Variants in ABAT observed in about 807,000 individuals in gnomAD.
ABAT encodes the protein 4-aminobutyrate aminotransferase, mitochondrial.
Under a neutral mutation model 64.6 loss-of-function variants are expected in ABAT, and 45 were observed. That is an observed-to-expected ratio of 0.70 (90% confidence interval 0.55 to 0.89). ABAT has a LOEUF of 0.89. Among genes scored for constraint, ABAT ranks in the 40% least tolerant of loss-of-function variants. The pLI is 0.00. For synonymous variants in ABAT, 297 were observed against 250.5 expected (o/e 1.19, Z -1.75); for missense variants, 633 against 658.4 (o/e 0.96, Z 0.42).
At chr16:8,751,340 G>A (rs969687153) in intron 5 of ABAT, among the ~76,000 whole-genome samples, 1 of 151,926 alleles carries the variant, frequency 6.6e-6, no homozygotes, top group Admixed American at 6.6e-5. Context: ...CTCCCACCTT[G>A]GCCTCCCAAA....
chr16:8,717,243 T>C (rs1431804262), intron 1 of ABAT, among the ~76,000 whole-genome samples: 1 of 152,182 alleles, frequency 6.6e-6, no homozygotes, highest in African/African-American at 2.4e-5. Flanking sequence ...TGAGCCGAGA[T>C]TGTGCCACTG....
At chr16:8,741,155 T>C (rs1432588681) in intron 2 of ABAT, among the ~76,000 whole-genome samples, 1 of 152,276 alleles carries the variant, frequency 6.6e-6, no homozygotes, top group Non-Finnish European at 1.5e-5. Context: ...GTGTCTGGTC[T>C]TGTGTGTCAA....
At chr16:8,777,794 C>G (rs2142999873) in intron 14 of ABAT, among the ~76,000 whole-genome samples, 1 of 152,158 alleles carries the variant, frequency 6.6e-6, no homozygotes, top group East Asian at 1.9e-4. Context: ...CAAAGTGAGC[C>G]CTTCTTCACT....
chr16:8,678,973 C>G (rs2141894135), intron 1 of ABAT, among the ~76,000 whole-genome samples: 1 of 152,012 alleles, frequency 6.6e-6, no homozygotes, highest in African/African-American at 2.4e-5. Flanking sequence ...AGAACATATT[C>G]CTGGGGGAAG....
chr16:8,752,128 C>T (rs1395094497), intron 5 of ABAT, among the ~76,000 whole-genome samples: 1 of 152,250 alleles, frequency 6.6e-6, no homozygotes, highest in Non-Finnish European at 1.5e-5. Context: ...GTCCCCCCTC[C>T]TCTTCTTCCC....
At chr16:8,713,046 T>C (rs970546926) in intron 1 of ABAT, 3 of 147,478 alleles carry the variant, frequency 2.0e-5, no homozygotes, top group Non-Finnish European at 4.4e-5. Flanking sequence ...AATGGGGGAG[T>C]TGGGTAATCG....
intron 1 of ABAT, among the ~76,000 whole-genome samples, chr16:8,704,041 C>A (rs2057885066): frequency 1.3e-5 from 2 of 152,238 alleles, no homozygotes; most frequent in African/African-American, 4.8e-5. Context: ...GACTTCTTAA[C>A]TCCAAGCTTT....
intron 9 of ABAT, 49 bp from the exon 10 acceptor site, chr16:8,768,144 T>A (rs772588617): frequency 1.3e-6 from 2 of 1,573,606 alleles, no homozygotes; most frequent in African/African-American, 2.7e-5. Context: ...ACAATACAGT[T>A]CCCCCATCCT....
Position 8,750,526 on chromosome 16 carries a change from C to T in ABAT, c.303C>T (p.Ser101=), listed in dbSNP as rs146336674. The change falls in exon 5 of 16, where the codon TCC becomes TCT. Residue 101 remains serine, a synonymous_variant. Transcript: ENST00000268251. ...TGCTGGATCTTTATTCCCAGATCTC[C>T]TCTGTCCCCATAGGTAAGAGCTGGG... ...NRMLDLYSQI[S]SVPIGYSHPA... 1 of 1,613,898 alleles carries T rather than the reference C, an allele frequency of 6.2e-7. No homozygotes were observed. The highest frequency in any genetic ancestry group is 1.3e-5 in the African/African-American group (1 of 75,048).
chr16:8,731,587 T>C (rs1377222595), intron 1 of ABAT: 1 of 151,968 alleles, frequency 6.6e-6, no homozygotes, highest in Admixed American at 6.6e-5. Context: ...TTGTCCTTGA[T>C]AGGTATGTCA....
In ABAT at chr16:8,771,927, A is replaced by C. The variant is rs541338070; in HGVS notation, c.817-853A>C. Among the ~76,000 whole-genome samples the C allele has an allele frequency of 4.6e-5, 7 of 152,134 alleles. No individual in the cohort carries two copies. The East Asian group carries it at 1.2e-3, about 25-fold the overall frequency. On this transcript the variant is annotated intron_variant, in intron 11 of 15. Coordinates refer to ENST00000268251, the MANE Select transcript of ABAT (RefSeq NM_020686.6). ...CTACAGGCACGCAGCCACCATGCCC[A>C]GCTAATTTCTAAATGTTTTGCAGAC...
intron 1 of ABAT, among the ~76,000 whole-genome samples, chr16:8,700,038 C>T (rs1045288194): frequency 1.3e-5 from 2 of 151,982 alleles, no homozygotes; most frequent in Non-Finnish European, 2.9e-5. Flanking sequence ...CCAGGCTGGT[C>T]TTAAACTCCT....
intron 2 of ABAT, chr16:8,736,638 A>G (rs566582021): frequency 6.6e-6 from 1 of 152,096 alleles, no homozygotes; most frequent in African/African-American, 2.4e-5. Context: ...TCTGCCCCAC[A>G]CCCATGGCCA....
At chr16:8,715,507 T>G (rs2058188564) in intron 1 of ABAT, 1 of 151,682 alleles carries the variant, frequency 6.6e-6, no homozygotes, top group Admixed American at 6.6e-5. Context: ...GTGCCTGTGA[T>G]CCCAGCTACT....
chr16:8,716,716 C>G (rs778808919), intron 1 of ABAT, among the ~76,000 whole-genome samples: 9 of 152,216 alleles, frequency 5.9e-5, no homozygotes, highest in Non-Finnish European at 1.2e-4. Context: ...GAGAGCCTCT[C>G]CTAGACTAAA....
intron 1 of ABAT, among the ~76,000 whole-genome samples, chr16:8,719,533 G>A (rs779405508): frequency 3.2e-4 from 49 of 152,260 alleles, no homozygotes; most frequent in Non-Finnish European, 6.2e-4. Flanking sequence ...TCCTGATTGA[G>A]GTGGGCAGAG....
chr16:8,763,929 C>T, intron 6 of ABAT, 140 bp from the exon 7 acceptor site: 1 of 741,924 alleles, frequency 1.3e-6, no homozygotes, highest in South Asian at 1.4e-5. Context: ...ACCGGCCATG[C>T]CCCACGCTGA....
intron 1 of ABAT, among the ~76,000 whole-genome samples, chr16:8,729,716 C>G (rs1326828818): frequency 2.0e-5 from 3 of 151,206 alleles, no homozygotes; most frequent in Non-Finnish European, 4.4e-5. Flanking sequence ...GTCCCAGCTA[C>G]TTGGCAGGGC....
chr16:8,695,567 C>T (rs1596402855), intron 1 of ABAT, among the ~76,000 whole-genome samples: 2 of 152,328 alleles, frequency 1.3e-5, no homozygotes, highest in Non-Finnish European at 2.9e-5. Context: ...TGCAAACTGG[C>T]ACTACTCCAC....
Sources: allele counts gnomAD v4.1 joint callset (sites outside exome capture counted in the v4.1 genomes callset), GRCh38; gene constraint gnomAD v4.1.1; transcripts MANE v1.5; gene names NCBI Gene and HGNC (gene_info 2026-07-23, HGNC 2026-07-21).